GPR26: variants seen among roughly 807,000 people sequenced by gnomAD.
GPR26 encodes the protein G protein-coupled receptor 26.
Under a neutral mutation model 23.1 loss-of-function variants are expected in GPR26, and 15 were observed. The ratio of observed to expected loss-of-function variants is 0.65; its 90% CI spans 0.43 to 1.00. GPR26 has a LOEUF of 1.00. GPR26 is among the 50% of genes least tolerant of loss of function. The pLI is 0.00. For missense variants in GPR26, 359 were observed against 470.5 expected, an observed-to-expected ratio of 0.76 and a Z score of 2.19; for synonymous variants, 228 against 222.1, an observed-to-expected ratio of 1.03 and a Z score of -0.24.
At chr10:123,678,099 A>G (rs562944909) in intron 2 of GPR26, among the ~76,000 whole-genome samples, 2 of 152,358 alleles carry the variant, frequency 1.3e-5, no homozygotes, top group East Asian at 1.9e-4. Flanking sequence ...ATTTAAAATA[A>G]TAACTAGTAA....
chr10:123,667,561 C>CTCTGTGTG (rs1175317398), intron 1 of GPR26, among the ~76,000 whole-genome samples: 30 of 125,084 alleles, frequency 2.4e-4, no homozygotes, highest in African/African-American at 6.2e-4. Flanking sequence ...TGTCTCACGA[C>CTCTGTGTG]TGTGTGTGTG....
At position 123,695,299 on chromosome 10, in the gene GPR26, G is replaced by A. The variant is rs1845531716; in HGVS notation, c.*7139G>A. ...CCTTGGGGCATGCGTGTGTTCTTAG[G>A]AACACCAGCGTGTGGTATTTCCTGT... On this transcript the variant is annotated 3_prime_UTR_variant, in exon 3 of 3. Transcript: ENST00000284674. Among the ~76,000 whole-genome samples, 1 of 152,140 alleles carries A rather than the reference G, an allele frequency of 6.6e-6. No individual in the cohort carries two copies. The highest frequency in any genetic ancestry group is 2.1e-4 in the South Asian group (1 of 4,824).
intron 2 of GPR26, among the ~76,000 whole-genome samples, chr10:123,678,574 C>T (rs888063334): frequency 6.6e-5 from 10 of 152,174 alleles, no homozygotes; most frequent in Admixed American, 4.6e-4. Context: ...CTGGTGGGTC[C>T]TCCTGCAATC....
intron 2 of GPR26, among the ~76,000 whole-genome samples, chr10:123,679,405 T>C (rs1845344222): frequency 6.6e-6 from 1 of 152,234 alleles, no homozygotes; most frequent in African/African-American, 2.4e-5. Flanking sequence ...GTTTACCAAC[T>C]TGGCTTTACG....
chr10:123,692,188 C>T lies in GPR26; in HGVS notation c.*4028C>T, dbSNP rs1845497005. ...ATGGCAGAGCTGGCTGGCTCTGAGC[C>T]AGGAAGCCTTGTTAGAGGAAGGAAC... On this transcript the variant is annotated 3_prime_UTR_variant, in exon 3 of 3. Coordinates refer to ENST00000284674, the MANE Select transcript of GPR26 (RefSeq NM_153442.4). The T allele has an allele frequency of 6.6e-6, 1 of 152,232 alleles. No individual in the cohort carries two copies. Among genetic ancestry groups the T allele is most frequent in the Admixed American group, 6.5e-5 (1 of 15,280 alleles). The allele number at this position is 152,232 out of a possible 1,614,324, so 9.4% of individuals were successfully genotyped here. A position where few individuals can be genotyped will look rare whatever the true frequency, so the allele number is the denominator to read the frequency against.
At chr10:123,676,643 C>T (rs1049811355) in intron 2 of GPR26, among the ~76,000 whole-genome samples, 11 of 152,234 alleles carry the variant, frequency 7.2e-5, no homozygotes, top group African/African-American at 2.7e-4. Context: ...TTACATCATT[C>T]AGGGTTTTCC....
At chr10:123,671,047 G>C (rs7894657) in intron 1 of GPR26, among the ~76,000 whole-genome samples, 152,071 of 152,292 alleles carry the variant, frequency 1, 75,927 homozygotes, top group Non-Finnish European at 1. Context: ...ACTCAGGGCT[G>C]TTGCCCTCCA....
rs2133924447 is a variant in GPR26 at position 123,674,972 on chromosome 10, T to C, written c.782+41T>C. On this transcript the variant is annotated intron_variant, in intron 2 of 2. Coordinates refer to ENST00000284674, the MANE Select transcript of GPR26 (RefSeq NM_153442.4). The surrounding 1 kb of genome is among the most constrained non-coding windows in gnomAD (Gnocchi z 4.1). ...AGGTGTGTCTTGGGACTTTGAAGAGTAAGGCAGGGCCCAGTGACCTTTAGC... is the reference window on the plus strand; with the variant it reads ...AGGTGTGTCTTGGGACTTTGAAGAGCAAGGCAGGGCCCAGTGACCTTTAGC... 1 of 1,263,198 alleles carries C rather than the reference T, an allele frequency of 7.9e-7. No homozygotes were observed. The highest frequency in any genetic ancestry group is 1.2e-5 in the South Asian group (1 of 81,288). 78.2% of individuals were successfully genotyped at this position (1,263,198 alleles called of 1,614,324 possible). A position where few individuals can be genotyped will look rare whatever the true frequency, so the allele number is the denominator to read the frequency against.
intron 2 of GPR26, 47 bp from the exon 3 acceptor site, chr10:123,687,882 C>A: frequency 7.4e-7 from 1 of 1,346,738 alleles, no homozygotes; most frequent in Non-Finnish European, 1.1e-6. Context: ...CCACTCCCAG[C>A]GGTGCTTAGC....
chr10:123,680,830 G>T (rs1357265822), intron 2 of GPR26, among the ~76,000 whole-genome samples: 10 of 120,452 alleles, frequency 8.3e-5, no homozygotes, highest in African/African-American at 1.8e-4. Flanking sequence ...GTTTTTTTGG[G>T]GGGGGGGGTT....
In GPR26 at chr10:123,695,740, AATT is replaced by A. The variant is rs1361426695; in HGVS notation, c.*7585_*7587del. Among the ~76,000 whole-genome samples, 1 of 152,186 alleles carries A rather than the reference AATT, an allele frequency of 6.6e-6. No individual in the cohort carries two copies. The highest frequency in any genetic ancestry group is 2.4e-5 in the African/African-American group (1 of 41,448). On this transcript the variant is annotated 3_prime_UTR_variant, in exon 3 of 3. Coordinates refer to ENST00000284674, the MANE Select transcript of GPR26 (RefSeq NM_153442.4). ...TCATGTATTACCAAATCTTTGCTTGAATTATTAATAGTAACCAAACTCTCTGCT... is the reference window on the plus strand; with the variant it reads ...TCATGTATTACCAAATCTTTGCTTGAATTAATAGTAACCAAACTCTCTGCT...
At position 123,695,481 on chromosome 10, in the gene GPR26, A is replaced by T. The variant is rs2133936513; in HGVS notation, c.*7321A>T. 6.6e-6 allele frequency among the ~76,000 whole-genome samples: 1 copy of T among 152,298 alleles called. No individual in the cohort carries two copies. Among genetic ancestry groups the T allele is most frequent in the East Asian group, 1.9e-4 (1 of 5,182 alleles). On this transcript the variant is annotated 3_prime_UTR_variant, in exon 3 of 3. Coordinates refer to ENST00000284674, the MANE Select transcript of GPR26 (RefSeq NM_153442.4). Reference sequence around the variant, plus strand: ...GAGGAAGTCTACTCTTAACTGTGAGAGTTAAGAGTATCACCATCAAGGCGC... The same window carrying T: ...GAGGAAGTCTACTCTTAACTGTGAGTGTTAAGAGTATCACCATCAAGGCGC...
chr10:123,669,474 C>T (rs1467453747), intron 1 of GPR26, among the ~76,000 whole-genome samples: 2 of 152,220 alleles, frequency 1.3e-5, no homozygotes, highest in African/African-American at 4.8e-5. Context: ...AGGCAGTGAG[C>T]CTCTCAGGGC....
At chr10:123,684,999 C>A (rs1401382002) in intron 2 of GPR26, among the ~76,000 whole-genome samples, 3 of 152,230 alleles carry the variant, frequency 2.0e-5, no homozygotes, top group Admixed American at 6.5e-5. Flanking sequence ...ACACTGGAGA[C>A]TTCTGCTCTG....
At chr10:123,678,211 C>T (rs1239534867) in intron 2 of GPR26, among the ~76,000 whole-genome samples, 1 of 152,180 alleles carries the variant, frequency 6.6e-6, no homozygotes, top group Non-Finnish European at 1.5e-5. Context: ...TCAGGTGACA[C>T]CCGTGCCTGC....
chr10:123,681,265 T>C (rs979349345), intron 2 of GPR26, among the ~76,000 whole-genome samples: 2 of 152,126 alleles, frequency 1.3e-5, no homozygotes, highest in African/African-American at 4.8e-5. Context: ...GCCCAGCCCC[T>C]CACAATGACC....
chr10:123,684,317 T>A (rs1845408522), intron 2 of GPR26, among the ~76,000 whole-genome samples: 2 of 152,194 alleles, frequency 1.3e-5, no homozygotes, highest in Non-Finnish European at 1.5e-5. Flanking sequence ...ATCTCCAGGG[T>A]TGACCTTGGC....
intron 2 of GPR26, among the ~76,000 whole-genome samples, chr10:123,679,676 C>T (rs1254894838): frequency 6.6e-6 from 1 of 152,170 alleles, no homozygotes; most frequent in Non-Finnish European, 1.5e-5. Flanking sequence ...AACTGGACTT[C>T]CAACCTCATT....
chr10:123,674,210 G>A lies in GPR26; in HGVS notation c.669-608G>A, dbSNP rs576447616. Among the ~76,000 whole-genome samples, 2 of 152,212 alleles carry A rather than the reference G, an allele frequency of 1.3e-5. No homozygotes were observed. Among genetic ancestry groups the A allele is most frequent in the African/African-American group, 2.4e-5 (1 of 41,530 alleles). ...CGACCTCAGGTGATCCACCCACTTC[G>A]GCCTCCCAAAGTGCTGGGATTACAG... On this transcript the variant is annotated intron_variant, in intron 1 of 2. Coordinates refer to ENST00000284674, the MANE Select transcript of GPR26 (RefSeq NM_153442.4). The surrounding 1 kb of genome is among the most constrained non-coding windows in gnomAD (Gnocchi z 4.1).
Sources: allele counts gnomAD v4.1 joint callset (sites outside exome capture counted in the v4.1 genomes callset), GRCh38; gene constraint gnomAD v4.1.1; non-coding constraint Gnocchi (gnomAD v3.1); transcripts MANE v1.5; gene names NCBI Gene and HGNC (gene_info 2026-07-23, HGNC 2026-07-21).